The following ROBO1 variants were observed in gnomAD, a reference collection of about 807,000 sequenced individuals.
ROBO1 encodes roundabout guidance receptor 1, also known as roundabout homolog 1.
A neutral mutation model predicts 195.9 loss-of-function variants in ROBO1; 149 were observed. That is an observed-to-expected ratio of 0.76 (90% CI 0.67 to 0.87). The LOEUF (loss-of-function observed/expected upper bound fraction) is 0.87. Among genes scored for constraint, ROBO1 ranks in the 40% least tolerant of loss-of-function variants. The pLI, the probability that ROBO1 is intolerant of heterozygous loss-of-function variation, is 0.00. For missense variants in ROBO1, 1,933 were observed against 2,068.3 expected, an observed-to-expected ratio of 0.93 and a Z score of 1.27; for synonymous variants, 816 against 733.2, an observed-to-expected ratio of 1.11 and a Z score of -1.82.
chr3:78,764,926 G>T (rs970616699), intron 4 of ROBO1, among the ~76,000 whole-genome samples: 2 of 151,910 alleles, frequency 1.3e-5, no homozygotes, highest in African/African-American at 4.8e-5. Context: ...ATAATATAAT[G>T]GTTTGTGTGA....
chr3:78,686,353 G>A (rs1355359715), intron 9 of ROBO1, among the ~76,000 whole-genome samples: 2 of 151,956 alleles, frequency 1.3e-5, no homozygotes, highest in Admixed American at 6.6e-5. Context: ...TCAGGAGATC[G>A]AGACCATCCT....
intron 2 of ROBO1, among the ~76,000 whole-genome samples, chr3:79,325,298 C>A (rs902212116): frequency 2.0e-5 from 3 of 152,124 alleles, no homozygotes; most frequent in Non-Finnish European, 4.4e-5. Flanking sequence ...CAATAGGAAG[C>A]CTCAAATGAC....
chr3:78,706,741 T>C (rs2081561609), intron 8 of ROBO1, among the ~76,000 whole-genome samples: 1 of 151,948 alleles, frequency 6.6e-6, no homozygotes, highest in African/African-American at 2.4e-5. Flanking sequence ...GGAGAAATGA[T>C]AAAGGCCTAA....
intron 2 of ROBO1, among the ~76,000 whole-genome samples, chr3:79,578,605 G>C (rs1294142306): frequency 6.6e-6 from 1 of 152,160 alleles, no homozygotes; most frequent in Non-Finnish European, 1.5e-5. Flanking sequence ...CAAACTTGTG[G>C]TGAAACAGCA....
intron 4 of ROBO1, among the ~76,000 whole-genome samples, chr3:78,919,193 G>C (rs1021157575): frequency 1.3e-5 from 2 of 152,190 alleles, no homozygotes; most frequent in African/African-American, 4.8e-5. Context: ...ACAGGCTCAA[G>C]TGTATCCTCA....
At chr3:79,244,218 A>G (rs893790620) in intron 2 of ROBO1, among the ~76,000 whole-genome samples, 5 of 152,114 alleles carry the variant, frequency 3.3e-5, no homozygotes, top group African/African-American at 1.2e-4. Flanking sequence ...ATATTGCATA[A>G]CAAGAACTCA....
Position 79,029,350 on chromosome 3 carries a change from T to C in ROBO1, c.173-90423A>G, listed in dbSNP as rs144308625. Among the ~76,000 whole-genome samples the C allele has an allele frequency of 1.7e-3, 256 of 152,262 alleles. 1 individual carries two copies. Among genetic ancestry groups the C allele is most frequent in the Non-Finnish European group, 2.2e-3 (149 of 67,990 alleles). On this transcript the variant is annotated intron_variant, in intron 3 of 30. Transcript: ENST00000464233. ...ACTGATTGAAGAAGTAATATCATTA[T>C]TTTTTGAGATTAGTAATTTTGTCGC...
At chr3:78,629,842 A>G (rs1429375887) in intron 25 of ROBO1, among the ~76,000 whole-genome samples, 3 of 152,158 alleles carry the variant, frequency 2.0e-5, no homozygotes, top group Non-Finnish European at 4.4e-5. Context: ...TGAGCGCCTG[A>G]TGTGCATGTT....
intron 3 of ROBO1, among the ~76,000 whole-genome samples, chr3:79,073,182 C>A (rs2079116518): frequency 6.6e-6 from 1 of 151,926 alleles, no homozygotes; most frequent in Non-Finnish European, 1.5e-5. Flanking sequence ...AAAGAGCCCA[C>A]CTGGTTTTAA....
At chr3:79,395,264 G>A (rs1251588224) in intron 2 of ROBO1, among the ~76,000 whole-genome samples, 2 of 145,926 alleles carry the variant, frequency 1.4e-5, no homozygotes, top group Non-Finnish European at 3.0e-5. Flanking sequence ...AGAGCTTGCA[G>A]TGAGCCGAGA....
chr3:79,023,267 G>A (rs373373472), intron 3 of ROBO1, among the ~76,000 whole-genome samples: 8 of 152,166 alleles, frequency 5.3e-5, no homozygotes, highest in Non-Finnish European at 7.3e-5. Flanking sequence ...AGTAATCTGC[G>A]TGATCCTTGG....
intron 1 of ROBO1, among the ~76,000 whole-genome samples, chr3:79,635,595 G>C (rs1333266037): frequency 6.6e-6 from 1 of 152,100 alleles, no homozygotes; most frequent in African/African-American, 2.4e-5. Flanking sequence ...TGTTTCAACT[G>C]TCTGTAATTG....
rs1703492865 is a variant in ROBO1 at position 78,606,885 on chromosome 3, C to T, written c.4592G>A (p.Gly1531Glu). 1.9e-6 allele frequency: 3 copies of T among 1,613,862 alleles called. No homozygotes were observed. Among genetic ancestry groups the T allele is most frequent in the South Asian group, 2.2e-5 (2 of 91,066 alleles). The change falls in exon 29 of 31, where the codon GGG becomes GAG. Residue 1531 changes from glycine to glutamate, a missense_variant. Gly to Glu is a moderately conservative substitution (Grantham distance 98). Coordinates refer to ENST00000464233, the MANE Select transcript of ROBO1 (RefSeq NM_002941.4). Reference protein sequence around the residue: ...SSDRKGSSYKGREVLDGRQVV... With the variant: ...SSDRKGSSYKEREVLDGRQVV... ...CTGTCTTCCATCCAACACTTCTCTC[C>T]CCTTGTAACTGCTTCCTTTTCTGTC...
At chr3:79,766,311 G>C (rs1704987625) in intron 1 of ROBO1, among the ~76,000 whole-genome samples, 1 of 151,228 alleles carries the variant, frequency 6.6e-6, no homozygotes, top group South Asian at 2.1e-4. Context: ...TTCCCCCTTC[G>C]TGTCCTTTTT....
chr3:78,792,501 G>A (rs1436087852), intron 4 of ROBO1, among the ~76,000 whole-genome samples: 1 of 152,102 alleles, frequency 6.6e-6, no homozygotes. Context: ...AGAATTGGAT[G>A]GACAATAGCA....
At chr3:78,636,148 G>A (rs761662910) in intron 22 of ROBO1, 40 bp from the exon 23 acceptor site, 12 of 1,422,534 alleles carry the variant, frequency 8.4e-6, no homozygotes, top group Middle Eastern at 1.9e-4. Context: ...ATCATTCTGC[G>A]TGGTTATTCC....
intron 1 of ROBO1, among the ~76,000 whole-genome samples, chr3:79,710,156 A>G (rs185947423): frequency 6.6e-6 from 1 of 152,294 alleles, no homozygotes; most frequent in Admixed American, 6.5e-5. Flanking sequence ...GAAAAGAGAT[A>G]TGGAAGATGA....
At chr3:79,559,178 A>T (rs1327645317) in intron 2 of ROBO1, among the ~76,000 whole-genome samples, 2 of 152,156 alleles carry the variant, frequency 1.3e-5, no homozygotes. Context: ...CAGTCAGCTG[A>T]TGTACCGACT....
intron 3 of ROBO1, among the ~76,000 whole-genome samples, chr3:78,946,993 C>A (rs939404254): frequency 6.6e-6 from 1 of 152,118 alleles, no homozygotes; most frequent in Admixed American, 6.5e-5. Context: ...TATATATGCA[C>A]CCAATACAGG....
Sources: gnomAD v4.1 joint callset for allele counts (sites outside exome capture counted in the v4.1 genomes callset) on GRCh38, gnomAD v4.1.1 for gene constraint, MANE v1.5 for transcripts, NCBI Gene and HGNC (gene_info 2026-07-23, HGNC 2026-07-21) for gene names.